The following ZFYVE26 variants were observed in gnomAD, a reference collection of about 807,000 sequenced individuals.
ZFYVE26 encodes zinc finger FYVE domain-containing protein 26.
Under a neutral mutation model 276.5 loss-of-function variants are expected in ZFYVE26, and 181 were observed. The observed-to-expected ratio is 0.65, with a 90% CI of 0.58 to 0.74. The LOEUF (loss-of-function observed/expected upper bound fraction) is 0.74. Ranked by LOEUF, ZFYVE26 falls within the 30% of genes least tolerant of loss-of-function variation. The probability of loss-of-function intolerance (pLI) is 0.00; values close to 1 mark genes in which losing one functional copy is unlikely to be tolerated. For synonymous variants in ZFYVE26, 1,129 were observed against 1,203.1 expected (o/e 0.94, Z 1.27); for missense variants, 2,821 against 3,097.9 (o/e 0.91, Z 2.12).
intron 25 of ZFYVE26, among the ~76,000 whole-genome samples, 184 bp from the exon 26 acceptor site, chr14:67,776,290 G>T (rs1464248126): frequency 6.6e-6 from 1 of 152,182 alleles, no homozygotes; most frequent in East Asian, 1.9e-4. Context: ...TGGTAATTGA[G>T]AAGTACTCCA....
rs78182256 is a variant in ZFYVE26 at position 67,759,199 on chromosome 14, C to T, written c.6588+2167G>A. Among the ~76,000 whole-genome samples, 1,336 of 134,116 alleles carry T rather than the reference C, an allele frequency of 1.0e-2. 17 individuals carry two copies. The highest frequency in any genetic ancestry group is 0.013 in the Non-Finnish European group (849 of 64,706). The allele number at this position is 134,116 out of a possible 152,430, so 88.0% of individuals were successfully genotyped here. On this transcript the variant is annotated intron_variant, in intron 35 of 41. Transcript: ENST00000347230. ...GGCGGAGCTTCCAGTGAGCCAAGAT[C>T]GTGCCACCGCACTCCAGCCTGGGCG...
intron 13 of ZFYVE26, among the ~76,000 whole-genome samples, chr14:67,732,429 CA>C (rs11310522): frequency 0.85 from 107,786 of 126,518 alleles, 45,317 homozygotes; most frequent in East Asian, 0.99. Context: ...GACCCTATCT[CA>C]AAAAAAAAAA....
At chr14:67,772,367 C>T (rs1467106298) in intron 27 of ZFYVE26, among the ~76,000 whole-genome samples, 157 bp from the exon 28 acceptor site, 1 of 152,214 alleles carries the variant, frequency 6.6e-6, no homozygotes, top group Non-Finnish European at 1.5e-5. Context: ...AAAAGAGAGA[C>T]AACTGAACAT....
At chr14:67,736,124 G>A (rs942470653) in intron 13 of ZFYVE26, among the ~76,000 whole-genome samples, 37 of 152,202 alleles carry the variant, frequency 2.4e-4, no homozygotes, top group Non-Finnish European at 2.6e-4. Flanking sequence ...AAGTGGGAAT[G>A]GGCAGAGATG....
chr14:67,760,915 G>T (rs12881478), intron 35 of ZFYVE26: 61,705 of 339,854 alleles, frequency 0.18, 7,910 homozygotes, highest in East Asian at 0.55. Flanking sequence ...CTATAGGATT[G>T]GCACCATGGT....
chr14:67,816,294 T>C lies in ZFYVE26; in HGVS notation c.-84+240A>G, dbSNP rs60273960. Among the ~76,000 whole-genome samples the C allele has an allele frequency of 0.015, 2,286 of 152,292 alleles. 59 individuals carry two copies. The highest frequency in any genetic ancestry group is 0.051 in the African/African-American group (2,137 of 41,552). ...GCGCAGACCCATAACTCTACGTCCG[T>C]ATTCCCTACTGAACGTTATGCCCAG... is the stretch of plus-strand genomic sequence containing the variant. On this transcript the variant is annotated intron_variant, in intron 1 of 41. Transcript: ENST00000347230.
intron 8 of ZFYVE26, among the ~76,000 whole-genome samples, chr14:67,804,647 T>G (rs915885378): frequency 2.0e-5 from 3 of 152,200 alleles, no homozygotes; most frequent in Admixed American, 2.0e-4. Flanking sequence ...CTTCAGAAAG[T>G]GCTGGTGAAG....
chr14:67,794,251 G>C lies in ZFYVE26; in HGVS notation c.2333-12C>G, dbSNP rs559207922. The C allele has an allele frequency of 2.5e-6, 4 of 1,613,618 alleles. No individual in the cohort carries two copies. In the East Asian group the frequency reaches 8.9e-5, roughly 36 times the overall value. ...TCTGTCTCGGCCATCTACAGGTATT[G>C]GGAAGAAGAGAGAAAGTCAATTATC... On this transcript the variant is annotated splice_polypyrimidine_tract_variant and intron_variant, in intron 12 of 41. Transcript: ENST00000347230.
chr14:67,757,640 G>GTCTGTCTTTCTTTCTT (rs1477663222), intron 35 of ZFYVE26, among the ~76,000 whole-genome samples: 41 of 149,016 alleles, frequency 2.8e-4, no homozygotes, highest in African/African-American at 8.2e-4. Flanking sequence ...AGATATTTTT[G>GTCTGTCTTTCTTTCTT]TCTTTCTTTC....
Position 67,782,710 on chromosome 14 carries a change from T to C in ZFYVE26, c.4372+70A>G. 2.5e-6 allele frequency: 4 copies of C among 1,596,378 alleles called. No homozygotes were observed. The South Asian group carries it at 4.4e-5, about 18-fold the overall frequency. On this transcript the variant is annotated intron_variant, in intron 21 of 41. Coordinates refer to ENST00000347230, the MANE Select transcript of ZFYVE26 (RefSeq NM_015346.4). Reference sequence around the variant, plus strand: ...CTCTAGAGTTACCGTGAGGATTAAATGTGATAATATACCCAGTGAATACCA... The same window carrying C: ...CTCTAGAGTTACCGTGAGGATTAAACGTGATAATATACCCAGTGAATACCA...
rs1321416471 is a variant in ZFYVE26 at position 67,748,625 on chromosome 14, C to T, written c.7431G>A (p.Leu2477=). ...HNDDNKVRAY[L]ICCKLRSAYL... ...AGGCAGAACGCAGTTTGCAACATAT[C>T]AGGTAGGCCCGAACCTGGCAGTCAG... The change falls in exon 42 of 42, where the codon CTG becomes CTA. Residue 2477 remains leucine (L), a synonymous_variant. Transcript: ENST00000347230. 6.2e-7 allele frequency: 1 copy of T among 1,614,010 alleles called. No individual in the cohort carries two copies. The highest frequency in any genetic ancestry group is 2.2e-5 in the East Asian group (1 of 44,890).
At chr14:67,757,645 T>C (rs1292774932) in intron 35 of ZFYVE26, among the ~76,000 whole-genome samples, 1 of 16,110 alleles carries the variant, frequency 6.2e-5, no homozygotes, top group Non-Finnish European at 2.7e-4. Flanking sequence ...TTTTTGTCTT[T>C]CTTTCTTTCT....
intron 14 of ZFYVE26, among the ~76,000 whole-genome samples, chr14:67,791,299 ATATTACAAC>A (rs754869084): frequency 5.3e-5 from 8 of 152,230 alleles, no homozygotes; most frequent in Non-Finnish European, 5.9e-5. Context: ...TTGGCACTAT[ATATTACAAC>A]TATTACAAGG....
At chr14:67,797,910 C>CTGAG in intron 11 of ZFYVE26, 104 bp downstream of exon 11, 1 of 1,599,988 alleles carries the variant, frequency 6.3e-7, no homozygotes, top group South Asian at 1.1e-5. Context: ...ACGATATGCC[C>CTGAG]TGAGTTATGG....
intron 9 of ZFYVE26, among the ~76,000 whole-genome samples, chr14:67,802,749 A>T (rs2040104142): frequency 6.6e-6 from 1 of 152,198 alleles, no homozygotes; most frequent in Admixed American, 6.5e-5. Flanking sequence ...GTATTCCTAC[A>T]GGAAATCTGT....
chr14:67,735,934 C>A (rs930067093), intron 13 of ZFYVE26, among the ~76,000 whole-genome samples: 1 of 152,212 alleles, frequency 6.6e-6, no homozygotes, highest in Non-Finnish European at 1.5e-5. Flanking sequence ...CCTTGGGTGG[C>A]ACTTGGCCCT....
In ZFYVE26 at chr14:67,732,746, G is replaced by GT. The variant is rs1170854046; in HGVS notation, n.2680-2928dup. ...TGCCCACCACCACACCCGGCTAATT[G>GT]TTTTTTGTATTTTTAGTAGAGGCAG... On this transcript the variant is annotated intron_variant and non_coding_transcript_variant, in intron 13 of 14. Transcript: ENST00000394455. 1.6e-4 allele frequency among the ~76,000 whole-genome samples: 25 copies of GT among 152,044 alleles called. No homozygotes were observed. The East Asian group carries it at 4.8e-3, about 29-fold the overall frequency.
chr14:67,780,098 A>G, intron 23 of ZFYVE26, 143 bp downstream of exon 23: 1 of 794,402 alleles, frequency 1.3e-6, no homozygotes, highest in South Asian at 1.5e-5. Flanking sequence ...TGACCTTGTG[A>G]GCCGCCCGCC....
chr14:67,733,322 T>A (rs2140161712), intron 13 of ZFYVE26, among the ~76,000 whole-genome samples: 2 of 152,334 alleles, frequency 1.3e-5, no homozygotes, highest in Admixed American at 1.3e-4. Flanking sequence ...ACTTCATCTT[T>A]AATTTAACCT....
Sources: allele counts gnomAD v4.1 joint callset (sites outside exome capture counted in the v4.1 genomes callset), GRCh38; gene constraint gnomAD v4.1.1; transcripts MANE v1.5; gene names NCBI Gene and HGNC (gene_info 2026-07-23, HGNC 2026-07-21).